The following KCTD10 variants were observed in gnomAD, a reference collection of about 807,000 sequenced individuals.
KCTD10 encodes the protein potassium channel tetramerization domain containing 10.
In KCTD10, 13 loss-of-function variants were observed where a neutral mutation model predicts 34.6. The observed-to-expected ratio is 0.38, with a 90% CI of 0.24 to 0.60. The LOEUF is 0.60. Among genes scored for constraint, KCTD10 ranks in the 20% least tolerant of loss-of-function variants. KCTD10 has a pLI of 0.66. For synonymous variants in KCTD10, 156 were observed against 168.8 expected, an observed-to-expected ratio of 0.92 and a Z score of 0.59; for missense variants, 256 against 420.3, an observed-to-expected ratio of 0.61 and a Z score of 3.42.
At chr12:109,472,826 C>T (rs532876173) in intron 1 of KCTD10, among the ~76,000 whole-genome samples, 4 of 152,290 alleles carry the variant, frequency 2.6e-5, no homozygotes, top group Admixed American at 6.5e-5. Flanking sequence ...TCATTATGTG[C>T]GCATGACTGT....
intron 2 of KCTD10, chr12:109,464,786 T>C (rs1467092316): frequency 4.4e-6 from 2 of 455,136 alleles, no homozygotes; most frequent in Non-Finnish European, 8.8e-6. Context: ...ACTCACCAGA[T>C]TTGCAATAAT....
At chr12:109,474,599 C>A in intron 1 of KCTD10, among the ~76,000 whole-genome samples, 1 of 152,018 alleles carries the variant, frequency 6.6e-6, no homozygotes, top group Non-Finnish European at 1.5e-5. Context: ...GATTAGAGCC[C>A]ACTATTCTAA....
chr12:109,471,077 T>G, intron 1 of KCTD10: 3 of 982,860 alleles, frequency 3.1e-6, no homozygotes, highest in Non-Finnish European at 3.6e-6. Flanking sequence ...CTCCTCGTGC[T>G]TTTTGGCTGC....
rs1872686386 is a variant in KCTD10 at position 109,450,029 on chromosome 12, C to A, written c.*1566G>T. 2 of 369,020 alleles carry A rather than the reference C, an allele frequency of 5.4e-6. No individual in the cohort carries two copies. The highest frequency in any genetic ancestry group is 9.6e-6 in the Non-Finnish European group (2 of 207,882). The allele number at this position is 369,020 out of a possible 1,614,324, so 22.9% of individuals were successfully genotyped here. ...CTGTTGGATACAAAATGAAGGCATACAACTGTCACAGGCAGGGCAGTAAGT... is the reference window on the plus strand; with the variant it reads ...CTGTTGGATACAAAATGAAGGCATAAAACTGTCACAGGCAGGGCAGTAAGT... On this transcript the variant is annotated 3_prime_UTR_variant, in exon 7 of 7. Transcript: ENST00000228495.
rs11540749 is a variant in KCTD10, at chr12:109,451,081, C to T, written c.*514G>A. On this transcript the variant is annotated 3_prime_UTR_variant, in exon 7 of 7. Transcript: ENST00000228495. This position sits in a 1 kb window ranked among gnomAD's most constrained non-coding sequence, Gnocchi z 5.0. The stretch of plus-strand genomic sequence containing the variant: ...CTAGCAAAGCAGTGGGGATTGTGCC[C>T]GGGCCAAACACACAGGAACCAGGAG... 8,183 of 152,140 alleles carry T rather than the reference C, an allele frequency of 0.054. 303 individuals carry two copies. Among genetic ancestry groups the T allele is most frequent in the Middle Eastern group, 0.083 (24 of 288 alleles). 9.4% of individuals were successfully genotyped at this position (152,140 alleles called of 1,614,324 possible).
At position 109,460,347 on chromosome 12, in the gene KCTD10, C is replaced by A. The variant is rs1191272916; in HGVS notation, c.387+289G>T. On this transcript the variant is annotated intron_variant, in intron 3 of 6. Transcript: ENST00000228495. The surrounding 1 kb of genome is among the most constrained non-coding windows in gnomAD (Gnocchi z 4.5). The stretch of plus-strand genomic sequence containing the variant: ...CCCTAAGATTGGTCCCGAACACCGA[C>A]CAAGTTTCACACCGCGGGGTTCTCT... 1 of 357,786 alleles carries A rather than the reference C, an allele frequency of 2.8e-6. No individual in the cohort carries two copies. The highest frequency in any genetic ancestry group is 2.1e-5 in the African/African-American group (1 of 48,186). 22.2% of individuals were successfully genotyped at this position (357,786 alleles called of 1,614,324 possible). A position where few individuals can be genotyped will look rare whatever the true frequency, so the allele number is the denominator to read the frequency against.
rs1184804194 is a variant in KCTD10 at position 109,460,505 on chromosome 12, G to A, written c.387+131C>T. On this transcript the variant is annotated intron_variant, in intron 3 of 6. Transcript: ENST00000228495. This position sits in a 1 kb window ranked among gnomAD's most constrained non-coding sequence, Gnocchi z 4.5. Reference sequence around the variant, plus strand: ...CTCCAACCGAAGGAATCGGGCTCCAGGGCAAACTCATTAACTCTCACAACA... The same window carrying A: ...CTCCAACCGAAGGAATCGGGCTCCAAGGCAAACTCATTAACTCTCACAACA... The A allele has an allele frequency of 2.9e-6, 3 of 1,024,968 alleles. No homozygotes were observed. Among genetic ancestry groups the A allele is most frequent in the East Asian group, 5.1e-5 (2 of 39,594 alleles). The allele number at this position is 1,024,968 out of a possible 1,614,324, so 63.5% of individuals were successfully genotyped here. A position where few individuals can be genotyped will look rare whatever the true frequency, so the allele number is the denominator to read the frequency against.
At chr12:109,465,971 T>C (rs1873564892) in intron 2 of KCTD10, among the ~76,000 whole-genome samples, 1 of 152,184 alleles carries the variant, frequency 6.6e-6, no homozygotes, top group South Asian at 2.1e-4. Context: ...AACAGACCAC[T>C]ACAGGCAAAT....
Position 109,460,654 on chromosome 12 carries a change from C to T in KCTD10, c.369G>A (p.Glu123=). 6.2e-7 allele frequency: 1 copy of T among 1,614,046 alleles called. No individual in the cohort carries two copies. The highest frequency in any genetic ancestry group is 8.5e-7 in the Non-Finnish European group (1 of 1,179,938). Residue 123 remains glutamate, a synonymous_variant, in exon 3 of 7, where the codon GAG becomes GAA. Coordinates refer to ENST00000228495, the MANE Select transcript of KCTD10 (RefSeq NM_031954.5). The surrounding 1 kb of genome is among the most constrained non-coding windows in gnomAD (Gnocchi z 4.5). ...KYYLVQGLVE[E]CQAALQNKDT... ...TGCCTACTTGTAGGGCCGCCTGGCA[C>T]TCTTCCACCAGGCCTTGGACTAGGT...
chr12:109,462,194 C>T (rs1237264370), intron 2 of KCTD10, among the ~76,000 whole-genome samples: 1 of 152,236 alleles, frequency 6.6e-6, no homozygotes, highest in Non-Finnish European at 1.5e-5. Flanking sequence ...GGTTTTAGGG[C>T]ATAGTTTGGT....
At chr12:109,467,370 A>T (rs1873641199) in intron 2 of KCTD10, among the ~76,000 whole-genome samples, 1 of 152,238 alleles carries the variant, frequency 6.6e-6, no homozygotes, top group Non-Finnish European at 1.5e-5. Flanking sequence ...CTGTAATCCC[A>T]GCATTTTGGG....
intron 1 of KCTD10, among the ~76,000 whole-genome samples, chr12:109,474,886 C>A (rs1298583189): frequency 1.3e-5 from 2 of 152,186 alleles, no homozygotes; most frequent in African/African-American, 4.8e-5. Flanking sequence ...ATATGCTTCT[C>A]TGTAGAAGTC....
intron 2 of KCTD10, among the ~76,000 whole-genome samples, chr12:109,462,345 C>G (rs138116819): frequency 6.6e-6 from 1 of 152,222 alleles, no homozygotes; most frequent in Non-Finnish European, 1.5e-5. Context: ...TTCCTACTTC[C>G]GCACTGTTCC....
intron 2 of KCTD10, among the ~76,000 whole-genome samples, chr12:109,466,361 T>C (rs1284895928): frequency 2.0e-5 from 3 of 152,358 alleles, no homozygotes; most frequent in South Asian, 2.1e-4. Context: ...CGCTTTCTCA[T>C]GTCCTCACTC....
intron 4 of KCTD10, 153 bp downstream of exon 4, chr12:109,457,839 G>A: frequency 1.0e-6 from 1 of 991,014 alleles, no homozygotes. Flanking sequence ...CCCAATAGCA[G>A]GGGCACAAAA....
At chr12:109,453,650 T>C (rs577409448) in intron 6 of KCTD10, among the ~76,000 whole-genome samples, 2 of 152,306 alleles carry the variant, frequency 1.3e-5, no homozygotes, top group African/African-American at 4.8e-5. Flanking sequence ...TCTATCTTCA[T>C]GCTCCTGGGC....
At chr12:109,476,413 C>G (rs1229985358) in intron 1 of KCTD10, among the ~76,000 whole-genome samples, 1 of 152,166 alleles carries the variant, frequency 6.6e-6, no homozygotes, top group South Asian at 2.1e-4. Context: ...GAAAGAAGAT[C>G]TGGGCCAATC....
At position 109,462,586 on chromosome 12, in the gene KCTD10, T is replaced by C. The variant is rs374870805; in HGVS notation, c.218-1781A>G. Among the ~76,000 whole-genome samples, 4 of 152,318 alleles carry C rather than the reference T, an allele frequency of 2.6e-5. No homozygotes were observed. The South Asian group carries it at 6.2e-4, about 24-fold the overall frequency. ...GCAACCCAGATGCCTCCAGGGCCAG[T>C]AAGCACAATAAATGAGTGCAGCTGG... On this transcript the variant is annotated intron_variant, in intron 2 of 6. Transcript: ENST00000228495.
intron 2 of KCTD10, among the ~76,000 whole-genome samples, chr12:109,465,098 G>A (rs9943724): frequency 0.17 from 25,758 of 152,120 alleles, 2,235 homozygotes; most frequent in African/African-American, 0.18. Flanking sequence ...GCATCGCACA[G>A]AGAAACTCCC....
Sources: allele counts gnomAD v4.1 joint callset (sites outside exome capture counted in the v4.1 genomes callset), GRCh38; gene constraint gnomAD v4.1.1; non-coding constraint Gnocchi (gnomAD v3.1); transcripts MANE v1.5; gene names NCBI Gene and HGNC (gene_info 2026-07-23, HGNC 2026-07-21).